Variants in ZNF600 observed in about 807,000 individuals in gnomAD.
ZNF600 encodes the protein zinc finger protein 600, also known as zinc finger protein KR-ZNF1.
Under a neutral mutation model 7.3 loss-of-function variants are expected in ZNF600, and 4 were observed. The ratio of observed to expected loss-of-function variants is 0.55; its 90% CI spans 0.27 to 1.25. The LOEUF is 1.25. Ranked by LOEUF, ZNF600 falls within the 50% of genes most tolerant of loss-of-function variation. The pLI, the probability that ZNF600 is intolerant of heterozygous loss-of-function variation, is 0.12. For synonymous variants in ZNF600, 290 were observed against 308.9 expected (o/e 0.94, Z 0.64); for missense variants, 911 against 922.1 (o/e 0.99, Z 0.16).
chr19:52,816,248 G>T, the ZNF600 span, among the ~76,000 whole-genome samples: 1 of 147,034 alleles, frequency 6.8e-6, no homozygotes, highest in Non-Finnish European at 1.5e-5. Flanking sequence ...GCTGGGCATG[G>T]TGGCTTGCAC....
At chr19:52,800,898 G>A in the ZNF600 span, 87 of 1,612,562 alleles carry the variant, frequency 5.4e-5, no homozygotes, top group Non-Finnish European at 6.7e-5. Flanking sequence ...TATCTTATGT[G>A]TTTCAAGGTG....
the ZNF600 span, among the ~76,000 whole-genome samples, chr19:52,811,604 A>G: frequency 2.7e-4 from 37 of 138,974 alleles, no homozygotes; most frequent in East Asian, 8.9e-4. Flanking sequence ...GGAGGTGAGG[A>G]GCGTCTCTGC....
intron 1 of ZNF600, among the ~76,000 whole-genome samples, chr19:52,784,483 C>T (rs1315549541): frequency 6.6e-6 from 1 of 152,126 alleles, no homozygotes; most frequent in Non-Finnish European, 1.5e-5. Flanking sequence ...ATCACTGTCC[C>T]ACTTCCTACC....
intron 1 of ZNF600, among the ~76,000 whole-genome samples, chr19:52,782,826 G>C (rs1484421443): frequency 6.6e-6 from 1 of 151,942 alleles, no homozygotes; most frequent in Non-Finnish European, 1.5e-5. Context: ...AGTGAGTAAA[G>C]ATCGCTCCAC....
the ZNF600 span, among the ~76,000 whole-genome samples, chr19:52,811,607 G>A: frequency 5.5e-5 from 8 of 145,390 alleles, no homozygotes; most frequent in South Asian, 6.5e-4. Context: ...GGTGAGGAGC[G>A]TCTCTGCCCG....
the ZNF600 span, among the ~76,000 whole-genome samples, chr19:52,807,262 A>G: frequency 6.6e-6 from 1 of 152,168 alleles, no homozygotes; most frequent in Admixed American, 6.5e-5. Flanking sequence ...CTAGAGTCCC[A>G]GCCCTATGTT....
At chr19:52,831,875 C>G in the ZNF600 span, among the ~76,000 whole-genome samples, 1 of 151,832 alleles carries the variant, frequency 6.6e-6, no homozygotes, top group African/African-American at 2.4e-5. Context: ...CCTGAGCACC[C>G]GACTCAGCCT....
At chr19:52,793,804 ACACACAC>A in the ZNF600 span, among the ~76,000 whole-genome samples, 37 of 107,262 alleles carry the variant, frequency 3.4e-4, no homozygotes, top group Non-Finnish European at 6.7e-4. Context: ...ACACACACAC[ACACACAC>A]ACACACAAAA....
At chr19:52,816,879 G>A in the ZNF600 span, among the ~76,000 whole-genome samples, 2 of 130,218 alleles carry the variant, frequency 1.5e-5, no homozygotes, top group Admixed American at 7.8e-5. Context: ...ATAAAACGTG[G>A]AATGAGAATA....
intron 1 of ZNF600, among the ~76,000 whole-genome samples, chr19:52,783,351 C>T (rs1385783236): frequency 6.6e-6 from 1 of 152,140 alleles, no homozygotes; most frequent in Non-Finnish European, 1.5e-5. Context: ...TTTTCCCCTC[C>T]ATCATTCCTT....
chr19:52,774,961 C>T (rs925864711), intron 2 of ZNF600, among the ~76,000 whole-genome samples: 55 of 152,122 alleles, frequency 3.6e-4, no homozygotes, highest in Non-Finnish European at 2.9e-5. Context: ...AACACAGGGC[C>T]AGGCATGGTG....
intron 3 of ZNF600, among the ~76,000 whole-genome samples, chr19:52,773,411 G>A (rs1198997761): frequency 6.6e-6 from 1 of 152,174 alleles, no homozygotes; most frequent in Non-Finnish European, 1.5e-5. Flanking sequence ...AAATGCCTCT[G>A]ATTTCTAGTT....
At chr19:52,785,283 T>C (rs1448074839) in intron 1 of ZNF600, among the ~76,000 whole-genome samples, 8 of 151,800 alleles carry the variant, frequency 5.3e-5, no homozygotes, top group African/African-American at 1.9e-4. Flanking sequence ...GTTTCACTCT[T>C]GTTGTGCAGG....
intron 1 of ZNF600, among the ~76,000 whole-genome samples, chr19:52,783,419 T>C (rs2062739065): frequency 6.6e-6 from 1 of 152,192 alleles, no homozygotes; most frequent in Non-Finnish European, 1.5e-5. Context: ...TGGAGGGCAG[T>C]GGCGCGATCT....
the ZNF600 span, among the ~76,000 whole-genome samples, chr19:52,831,599 T>C: frequency 7.9e-5 from 12 of 152,012 alleles, no homozygotes; most frequent in African/African-American, 2.4e-4. Context: ...ACCTCCCAGA[T>C]TCACGCCACT....
the ZNF600 span, among the ~76,000 whole-genome samples, chr19:52,820,238 C>G: frequency 2.2e-5 from 3 of 138,258 alleles, no homozygotes; most frequent in African/African-American, 9.1e-5. Flanking sequence ...CTGCCTCAGC[C>G]TCCCGAGTAG....
the ZNF600 span, among the ~76,000 whole-genome samples, chr19:52,825,598 A>C: frequency 1.3e-5 from 2 of 152,128 alleles, no homozygotes; most frequent in Admixed American, 6.5e-5. Flanking sequence ...ATTTGAACCC[A>C]TGAAGCAGAG....
At chr19:52,787,351 A>C (rs967057763), upstream of ZNF600, among the ~76,000 whole-genome samples, 2 of 150,104 alleles carry the variant, frequency 1.3e-5, no homozygotes, top group African/African-American at 4.9e-5. Context: ...CGACAAAGTA[A>C]CACCCCCTAA....
chr19:52,804,087 G>A, the ZNF600 span, among the ~76,000 whole-genome samples: 2 of 152,166 alleles, frequency 1.3e-5, no homozygotes, highest in Non-Finnish European at 2.9e-5. Context: ...TCATGAATAG[G>A]ACTAGTGCAT....
Sources: gnomAD v4.1 joint callset for allele counts (sites outside exome capture counted in the v4.1 genomes callset) on GRCh38, gnomAD v4.1.1 for gene constraint, MANE v1.5 for transcripts, NCBI Gene and HGNC (gene_info 2026-07-23, HGNC 2026-07-21) for gene names.